ST3GAL3: variants seen among roughly 807,000 people sequenced by gnomAD.
The protein encoded by ST3GAL3 is ST3 beta-galactoside alpha-2,3-sialyltransferase 3.
In ST3GAL3, 21 loss-of-function variants were observed where a neutral mutation model predicts 50.1. The ratio of observed to expected loss-of-function variants is 0.42; its 90% CI spans 0.30 to 0.60. The LOEUF (loss-of-function observed/expected upper bound fraction) is 0.60. ST3GAL3 is among the 20% of genes least tolerant of loss of function. The pLI, the probability that ST3GAL3 is intolerant of heterozygous loss-of-function variation, is 0.19. For synonymous variants in ST3GAL3, 183 were observed against 190.0 expected (o/e 0.96, Z 0.30); for missense variants, 353 against 489.4 (o/e 0.72, Z 2.63).
intron 7 of ST3GAL3, 39 bp downstream of exon 7, chr1:43,898,337 C>A: frequency 6.2e-7 from 1 of 1,605,870 alleles, no homozygotes; most frequent in Non-Finnish European, 8.5e-7. Flanking sequence ...CCACCGCTGC[C>A]TGGTGGTGTG....
At chr1:43,730,667 C>T (rs1212553134) in intron 1 of ST3GAL3, among the ~76,000 whole-genome samples, 1 of 147,798 alleles carries the variant, frequency 6.8e-6, no homozygotes, top group Non-Finnish European at 1.5e-5. Context: ...AACTTATGGG[C>T]TCAAGCAATC....
intron 5 of ST3GAL3, among the ~76,000 whole-genome samples, chr1:43,842,959 C>T (rs1450048823): frequency 6.7e-6 from 1 of 148,326 alleles, no homozygotes; most frequent in Non-Finnish European, 1.5e-5. Flanking sequence ...TCTGGACTCC[C>T]TAGTCTATTC....
At chr1:43,857,540 TCCC>T in intron 5 of ST3GAL3, among the ~76,000 whole-genome samples, 1 of 105,606 alleles carries the variant, frequency 9.5e-6, no homozygotes, top group Non-Finnish European at 1.9e-5. Context: ...CTTCCCTCCC[TCCC>T]TCCCTTCCTT....
At position 43,744,714 on chromosome 1, in the gene ST3GAL3, T is replaced by TAAA. The variant is rs1277470688; in HGVS notation, c.118+8335_118+8336insAAA. On this transcript the variant is annotated intron_variant, in intron 2 of 11. Transcript: ENST00000347631. The stretch of plus-strand genomic sequence containing the variant: ...AAATAAAATAAAAAATAAAATAAAA[T>TAAA]ATAATAGCCTGGCGTGGTGGTTTAT... 3.5e-5 allele frequency among the ~76,000 whole-genome samples: 5 copies of TAAA among 141,904 alleles called. No homozygotes were observed. In the East Asian group the frequency reaches 1.1e-3, roughly 30 times the overall value. 93.1% of individuals were successfully genotyped at this position (141,904 alleles called of 152,430 possible). A position where few individuals can be genotyped will look rare whatever the true frequency, so the allele number is the denominator to read the frequency against.
chr1:43,753,545 G>C (rs1374116751), intron 2 of ST3GAL3, among the ~76,000 whole-genome samples: 2 of 152,206 alleles, frequency 1.3e-5, no homozygotes, highest in African/African-American at 4.8e-5. Flanking sequence ...TGTTCTGAGA[G>C]GGTATGTGAT....
At chr1:43,832,327 C>T (rs999899742) in intron 4 of ST3GAL3, among the ~76,000 whole-genome samples, 8 of 152,156 alleles carry the variant, frequency 5.3e-5, no homozygotes, top group South Asian at 2.1e-4. Context: ...GCAGGGCCTC[C>T]GGAGCTGAGA....
rs535764258 is a variant in ST3GAL3 at position 43,808,613 on chromosome 1, C to T, written c.167-6278C>T. On this transcript the variant is annotated intron_variant, in intron 3 of 11. Transcript: ENST00000347631. ...TTCCTGGAGAGTTTGCAGTCCATGT[C>T]GCAGGGAAGGAGAACCCAAGAGTCC... Among the ~76,000 whole-genome samples the T allele has an allele frequency of 4.6e-5, 7 of 152,230 alleles. No individual in the cohort carries two copies. In the East Asian group the frequency reaches 1.2e-3, roughly 25 times the overall value.
At chr1:43,849,700 G>A (rs1221091968) in intron 5 of ST3GAL3, among the ~76,000 whole-genome samples, 1 of 152,164 alleles carries the variant, frequency 6.6e-6, no homozygotes, top group East Asian at 1.9e-4. Context: ...AGGATGGAGG[G>A]AGGAGACCCT....
intron 5 of ST3GAL3, among the ~76,000 whole-genome samples, chr1:43,893,308 G>C (rs890549310): frequency 6.6e-6 from 1 of 152,186 alleles, no homozygotes; most frequent in Non-Finnish European, 1.5e-5. Flanking sequence ...ACAGAGCCAC[G>C]GAGGCCCAGG....
chr1:43,766,736 G>A (rs576927020), intron 2 of ST3GAL3, among the ~76,000 whole-genome samples: 1 of 152,112 alleles, frequency 6.6e-6, no homozygotes, highest in Non-Finnish European at 1.5e-5. Context: ...AAGACCTGGT[G>A]GAAAAGTAGT....
At chr1:43,853,010 T>C (rs1320921570) in intron 5 of ST3GAL3, among the ~76,000 whole-genome samples, 1 of 152,230 alleles carries the variant, frequency 6.6e-6, no homozygotes, top group Non-Finnish European at 1.5e-5. Context: ...ATGTTTTCTT[T>C]AAAAAGAAAA....
chr1:43,884,915 G>T (rs1258281783), intron 5 of ST3GAL3, among the ~76,000 whole-genome samples: 2 of 152,192 alleles, frequency 1.3e-5, no homozygotes, highest in East Asian at 3.8e-4. Flanking sequence ...CCCTACCCTA[G>T]ATCTGCTGGT....
chr1:43,877,267 G>A (rs1275136824), intron 5 of ST3GAL3, among the ~76,000 whole-genome samples: 2 of 152,200 alleles, frequency 1.3e-5, no homozygotes, highest in African/African-American at 4.8e-5. Context: ...GGAAATTCCA[G>A]GAGCAGTCTG....
chr1:43,888,310 T>C (rs1443139893), intron 5 of ST3GAL3, among the ~76,000 whole-genome samples: 1 of 151,944 alleles, frequency 6.6e-6, no homozygotes, highest in Non-Finnish European at 1.5e-5. Flanking sequence ...CCAGAAGCAA[T>C]AGGGGAAAGA....
chr1:43,869,324 A>C (rs2072071684), intron 5 of ST3GAL3, among the ~76,000 whole-genome samples: 1 of 152,142 alleles, frequency 6.6e-6, no homozygotes, highest in Middle Eastern at 3.2e-3. Context: ...CCTTTTCTCC[A>C]TCAGTTGTTC....
intron 9 of ST3GAL3, among the ~76,000 whole-genome samples, chr1:43,918,931 C>CT (rs575628099): frequency 2.0e-5 from 3 of 151,986 alleles, no homozygotes; most frequent in African/African-American, 7.2e-5. Context: ...CAATACTTGA[C>CT]TTTTTTGTTA....
At chr1:43,922,256 C>T (rs987437022) in intron 11 of ST3GAL3, 2 of 152,268 alleles carry the variant, frequency 1.3e-5, no homozygotes, top group East Asian at 1.9e-4. Flanking sequence ...AATCCCAGCA[C>T]TTTAGGAGGC....
intron 3 of ST3GAL3, among the ~76,000 whole-genome samples, chr1:43,804,752 A>T (rs1037848922): frequency 3.9e-5 from 6 of 152,222 alleles, no homozygotes; most frequent in Admixed American, 1.3e-4. Context: ...ATGTAATCAG[A>T]TAGGCTGGGA....
At chr1:43,784,541 CCCAT>C (rs2057031047) in intron 2 of ST3GAL3, among the ~76,000 whole-genome samples, 1 of 152,024 alleles carries the variant, frequency 6.6e-6, no homozygotes, top group Admixed American at 6.6e-5. Context: ...AAAATAAACT[CCCAT>C]AGCAACTTCT....
Sources: gnomAD v4.1 joint callset for allele counts (sites outside exome capture counted in the v4.1 genomes callset) on GRCh38, gnomAD v4.1.1 for gene constraint, MANE v1.5 for transcripts, NCBI Gene and HGNC (gene_info 2026-07-23, HGNC 2026-07-21) for gene names.